Variants in TRDN observed in about 807,000 individuals in gnomAD.
The protein encoded by TRDN is triadin.
A neutral mutation model predicts 149.7 loss-of-function variants in TRDN; 161 were observed. The ratio of observed to expected loss-of-function variants is 1.08; its 90% confidence interval spans 0.95 to 1.23. The LOEUF (loss-of-function observed/expected upper bound fraction) is 1.23, where lower values mean the gene tolerates loss of function less well. Ranked by LOEUF, TRDN falls within the 50% of genes most tolerant of loss-of-function variation. TRDN has a pLI of 0.00. For missense variants in TRDN, 896 were observed against 823.5 expected (o/e 1.09, Z -1.08); for synonymous variants, 294 against 250.5 (o/e 1.17, Z -1.64).
intron 13 of TRDN, among the ~76,000 whole-genome samples, chr6:123,389,185 T>C (rs756236334): frequency 3.9e-5 from 6 of 152,082 alleles, no homozygotes; most frequent in Non-Finnish European, 5.9e-5. Context: ...TGGATCCACG[T>C]TGTTGCTTAT....
intron 12 of TRDN, among the ~76,000 whole-genome samples, chr6:123,433,162 A>ATATATCTATATAT (rs796874348): frequency 1.2e-5 from 1 of 80,034 alleles, no homozygotes; most frequent in Non-Finnish European, 2.5e-5. Flanking sequence ...ATATATATAT[A>ATATATCTATATAT]ATATATATAT....
At chr6:123,399,777 C>A (rs1772885036) in intron 12 of TRDN, among the ~76,000 whole-genome samples, 1 of 152,078 alleles carries the variant, frequency 6.6e-6, no homozygotes, top group South Asian at 2.1e-4. Context: ...TGGCAAATTT[C>A]TTGATTATTT....
chr6:123,255,196 A>G (rs1356580578), intron 36 of TRDN, 71 bp from the exon 37 acceptor site: 7 of 708,200 alleles, frequency 9.9e-6, no homozygotes, highest in South Asian at 2.3e-5. Flanking sequence ...TTTGTCTCAC[A>G]TCAACGAATG....
intron 2 of TRDN, among the ~76,000 whole-genome samples, chr6:123,565,464 T>C (rs1049726034): frequency 6.6e-6 from 1 of 152,228 alleles, no homozygotes; most frequent in Non-Finnish European, 1.5e-5. Context: ...ACAAGTATCC[T>C]GTTTCAGCTG....
intron 12 of TRDN, among the ~76,000 whole-genome samples, chr6:123,436,072 C>T (rs1205104206): frequency 6.6e-6 from 1 of 152,082 alleles, no homozygotes; most frequent in Non-Finnish European, 1.5e-5. Context: ...TCAGATTTTG[C>T]ATTTGCGTGC....
chr6:123,350,561 T>G, intron 21 of TRDN: 1 of 692,840 alleles, frequency 1.4e-6, no homozygotes, highest in Non-Finnish European at 1.8e-6. Context: ...TATGCATAAC[T>G]ATTAGAATAT....
At chr6:123,586,394 G>T (rs1375673456) in intron 1 of TRDN, among the ~76,000 whole-genome samples, 1 of 152,056 alleles carries the variant, frequency 6.6e-6, no homozygotes, top group African/African-American at 2.4e-5. Context: ...GAAAGACTCA[G>T]TGATGCTTGG....
chr6:123,474,711 T>G (rs1376337274), intron 9 of TRDN, among the ~76,000 whole-genome samples: 1 of 151,618 alleles, frequency 6.6e-6, no homozygotes. Flanking sequence ...AGAACAGAAA[T>G]TATAACAAAC....
chr6:123,585,992 A>T (rs1043545039), intron 1 of TRDN, among the ~76,000 whole-genome samples: 3 of 152,036 alleles, frequency 2.0e-5, no homozygotes, highest in Non-Finnish European at 4.4e-5. Flanking sequence ...TTGGGTAATA[A>T]AATGTATTTT....
At chr6:123,537,747 A>G (rs561641388) in intron 4 of TRDN, among the ~76,000 whole-genome samples, 1 of 152,334 alleles carries the variant, frequency 6.6e-6, no homozygotes, top group South Asian at 2.1e-4. Flanking sequence ...TAGTAGCAGC[A>G]ACCAATGGAA....
In TRDN at chr6:123,366,471, C is replaced by A. The variant is rs564290377; in HGVS notation, c.1274-289G>T. ...TTCCATAGACTTTAGATCAATAGTT[C>A]TTAAAATTAAGGCCACATTCAATAC... On this transcript the variant is annotated intron_variant, in intron 19 of 40. Transcript: ENST00000334268. Among the ~76,000 whole-genome samples the A allele has an allele frequency of 2.6e-5, 4 of 152,098 alleles. No homozygotes were observed. In the South Asian group the frequency reaches 8.3e-4, roughly 32 times the overall value.
At position 123,503,291 on chromosome 6, in the gene TRDN, A is replaced by G. The variant is rs150191086; in HGVS notation, c.793+428T>C. ...GTAATGTATGGATAGTTTTTATGATATTTACTCTATATGATTCCAACATGT... is the reference window on the plus strand; with the variant it reads ...GTAATGTATGGATAGTTTTTATGATGTTTACTCTATATGATTCCAACATGT... On this transcript the variant is annotated intron_variant, in intron 8 of 40. Coordinates refer to ENST00000334268, the MANE Select transcript of TRDN (RefSeq NM_006073.4). The G allele has an allele frequency of 2.9e-5, 29 of 985,294 alleles. No individual in the cohort carries two copies. In the East Asian group the frequency reaches 1.9e-3, roughly 66 times the overall value. The allele number at this position is 985,294 out of a possible 1,614,324, so 61.0% of individuals were successfully genotyped here. A position where few individuals can be genotyped will look rare whatever the true frequency, so the allele number is the denominator to read the frequency against.
At chr6:123,303,181 C>T (rs1480420615) in intron 24 of TRDN, among the ~76,000 whole-genome samples, 1 of 152,086 alleles carries the variant, frequency 6.6e-6, no homozygotes, top group Non-Finnish European at 1.5e-5. Flanking sequence ...AGAGCTCCTT[C>T]CTCTACATCT....
intron 21 of TRDN, among the ~76,000 whole-genome samples, chr6:123,340,465 T>C (rs561894434): frequency 1.3e-5 from 2 of 152,164 alleles, no homozygotes; most frequent in East Asian, 3.9e-4. Flanking sequence ...ACATTGAACA[T>C]AGCTAGAACA....
At chr6:123,577,696 G>A (rs1453311471) in intron 1 of TRDN, among the ~76,000 whole-genome samples, 1 of 152,100 alleles carries the variant, frequency 6.6e-6, no homozygotes, top group Non-Finnish European at 1.5e-5. Flanking sequence ...TCTGTTTTTA[G>A]TTCTTTGAGG....
chr6:123,609,882 T>C (rs377175285), intron 1 of TRDN, among the ~76,000 whole-genome samples: 1 of 152,144 alleles, frequency 6.6e-6, no homozygotes, highest in Non-Finnish European at 1.5e-5. Flanking sequence ...CCTTCTACTG[T>C]ATCTAGCTAA....
chr6:123,261,415 CT>C (rs1200730973), intron 33 of TRDN, among the ~76,000 whole-genome samples: 2 of 151,726 alleles, frequency 1.3e-5, no homozygotes, highest in South Asian at 4.1e-4. Flanking sequence ...TTATATTTGC[CT>C]TTTGCCTATG....
At chr6:123,380,766 G>A (rs899943058) in intron 16 of TRDN, among the ~76,000 whole-genome samples, 2 of 149,224 alleles carry the variant, frequency 1.3e-5, no homozygotes, top group African/African-American at 2.5e-5. Flanking sequence ...TTCTTCAGAG[G>A]AGAACCTATA....
chr6:123,383,491 T>A (rs1781795885), intron 14 of TRDN, among the ~76,000 whole-genome samples: 1 of 152,022 alleles, frequency 6.6e-6, no homozygotes, highest in South Asian at 2.1e-4. Context: ...TCTCAGGATA[T>A]TGCTTTGTGT....
Sources: gnomAD v4.1 joint callset for allele counts (sites outside exome capture counted in the v4.1 genomes callset) on GRCh38, gnomAD v4.1.1 for gene constraint, MANE v1.5 for transcripts, NCBI Gene and HGNC (gene_info 2026-07-23, HGNC 2026-07-21) for gene names.